Variants in DST observed in about 807,000 individuals in gnomAD.
DST encodes dystonin.
DST carries 253 observed loss-of-function variants against 875.2 expected under a neutral mutation model. The observed-to-expected ratio is 0.29, with a 90% CI of 0.26 to 0.32. DST has a LOEUF of 0.32. Among genes scored for constraint, DST ranks in the 10% least tolerant of loss-of-function variants. DST has a pLI of 1.00. For missense variants in DST, 8,287 were observed against 9,111.6 expected, an observed-to-expected ratio of 0.91 and a Z score of 3.68; for synonymous variants, 3,124 against 3,197.1, an observed-to-expected ratio of 0.98 and a Z score of 0.77.
At chr6:56,638,454 T>A (rs1257098633) in intron 22 of DST, among the ~76,000 whole-genome samples, 1 of 152,196 alleles carries the variant, frequency 6.6e-6, no homozygotes, top group Non-Finnish European at 1.5e-5. Flanking sequence ...TCAGTGAATC[T>A]ATCAGATTCC....
At chr6:56,557,564 A>T (rs2097447037) in intron 58 of DST, 46 bp from the exon 59 acceptor site, 2 of 1,435,256 alleles carry the variant, frequency 1.4e-6, no homozygotes, top group Non-Finnish European at 9.6e-7. Context: ...TTTTGCATTT[A>T]ACATGACTAT....
chr6:56,572,082 T>A lies in DST; in HGVS notation c.13721+18A>T. On this transcript the variant is annotated intron_variant, in intron 53 of 103. Transcript: ENST00000680361. ...TAATATAAATAGAATAAAATATAAT[T>A]TTTAAAGTGGTACTTACTTTTCTTT... The A allele has an allele frequency of 7.4e-7, 1 of 1,356,312 alleles. No homozygotes were observed. The highest frequency in any genetic ancestry group is 1.5e-5 in the African/African-American group (1 of 66,968). The allele number at this position is 1,356,312 out of a possible 1,614,324, so 84.0% of individuals were successfully genotyped here.
intron 9 of DST, among the ~76,000 whole-genome samples, chr6:56,673,715 A>T (rs1290379927): frequency 2.0e-5 from 3 of 152,250 alleles, no homozygotes; most frequent in Non-Finnish European, 4.4e-5. Context: ...AAAAGCGATA[A>T]TTTTAAAATG....
In DST at chr6:56,842,478, A is replaced by G. The variant is rs548607994; in HGVS notation, c.625+8919T>C. On this transcript the variant is annotated intron_variant, in intron 4 of 103. Coordinates refer to ENST00000680361, the MANE Select transcript of DST (RefSeq NM_001374736.1). ...AATTTCCTGAACATAAAGGATGGGC[A>G]GAAAAAAATCTCAAAATACATTCTT... Among the ~76,000 whole-genome samples the G allele has an allele frequency of 2.0e-5, 3 of 152,362 alleles. No homozygotes were observed. The East Asian group carries it at 5.8e-4, about 29-fold the overall frequency.
chr6:56,883,083 G>A (rs1463453083), intron 3 of DST, among the ~76,000 whole-genome samples: 3 of 152,150 alleles, frequency 2.0e-5, no homozygotes, highest in Non-Finnish European at 2.9e-5. Flanking sequence ...GGCCAGGCTG[G>A]TCTCAAACTC....
At chr6:56,874,722 G>A (rs1778894611) in intron 3 of DST, among the ~76,000 whole-genome samples, 1 of 152,146 alleles carries the variant, frequency 6.6e-6, no homozygotes, top group South Asian at 2.1e-4. Flanking sequence ...CGCTCCACAT[G>A]CATCTCAAAT....
chr6:56,681,714 C>G (rs2099158362), intron 9 of DST, among the ~76,000 whole-genome samples: 1 of 152,208 alleles, frequency 6.6e-6, no homozygotes, highest in Non-Finnish European at 1.5e-5. Context: ...TAGGGCAGTG[C>G]TTGGCACATT....
intron 9 of DST, chr6:56,692,632 T>C: frequency 7.8e-7 from 1 of 1,289,816 alleles, no homozygotes; most frequent in Admixed American, 2.3e-5. Flanking sequence ...AACATCAGTT[T>C]TTTCCTGGAA....
chr6:56,759,149 C>T (rs2099611339), intron 4 of DST, among the ~76,000 whole-genome samples: 1 of 152,110 alleles, frequency 6.6e-6, no homozygotes, highest in African/African-American at 2.4e-5. Flanking sequence ...TTATGTACCC[C>T]AATATTTAAA....
chr6:56,832,994 C>T (rs1296192472), intron 4 of DST, among the ~76,000 whole-genome samples: 2 of 152,176 alleles, frequency 1.3e-5, no homozygotes, highest in Non-Finnish European at 2.9e-5. Context: ...CTGCCTTGGC[C>T]TTCCAAAGTG....
chr6:56,953,885 T>C (rs1024350068), intron 1 of DST, 66 bp from the exon 2 acceptor site: 2 of 1,195,168 alleles, frequency 1.7e-6, no homozygotes, highest in Admixed American at 2.4e-5. Flanking sequence ...GAGTGACTCA[T>C]GACTTACCTG....
intron 86 of DST, among the ~76,000 whole-genome samples, chr6:56,487,589 G>A (rs897322699): frequency 4.6e-5 from 7 of 152,060 alleles, no homozygotes; most frequent in Non-Finnish European, 7.4e-5. Context: ...TTTATTTACC[G>A]TATTTTCAAC....
At chr6:56,778,255 G>A (rs1047886791) in intron 4 of DST, among the ~76,000 whole-genome samples, 1 of 151,508 alleles carries the variant, frequency 6.6e-6, no homozygotes, top group Admixed American at 6.6e-5. Context: ...AATCAAAATT[G>A]TCCAGGTTAT....
intron 2 of DST, among the ~76,000 whole-genome samples, chr6:56,920,221 C>T (rs1184706665): frequency 6.6e-6 from 1 of 152,198 alleles, no homozygotes; most frequent in Non-Finnish European, 1.5e-5. Flanking sequence ...TATCACTGCT[C>T]AGCCTTCCCC....
At position 56,604,392 on chromosome 6, in the gene DST, A is replaced by C. The variant is rs1036494557; in HGVS notation, c.10236T>G (p.Ser3412Arg). ...ASTVPSDSQM[S>R]DSSGVSPMTN... ...TCATGGGGGAAACTCCAGAAGAGTCACTCATTTGAGAGTCGCTGGGCACAG... is the reference window on the plus strand; with the variant it reads ...TCATGGGGGAAACTCCAGAAGAGTCCCTCATTTGAGAGTCGCTGGGCACAG... Residue 3412 changes from serine (S) to arginine (R), a missense_variant, in exon 40 of 104, where the codon AGT becomes AGG. By Grantham distance (110) the Ser-to-Arg change is moderately radical. Around this residue, in one of 10 missense-constraint regions of DST, gnomAD observed 3,138 missense variants for 3,116.6 expected, o/e 1.01. Coordinates refer to ENST00000680361, the MANE Select transcript of DST (RefSeq NM_001374736.1). 1 of 1,611,436 alleles carries C rather than the reference A, an allele frequency of 6.2e-7. No individual in the cohort carries two copies. Among genetic ancestry groups the C allele is most frequent in the African/African-American group, 1.3e-5 (1 of 74,818 alleles).
intron 2 of DST, among the ~76,000 whole-genome samples, chr6:56,938,781 A>T (rs1814644428): frequency 1.3e-5 from 2 of 152,086 alleles, no homozygotes; most frequent in Admixed American, 1.3e-4. Flanking sequence ...CCCAAACCTA[A>T]CCACATGTGA....
chr6:56,632,848 C>T lies in DST; in HGVS notation c.3805+6G>A, dbSNP rs1474920653. On this transcript the variant is annotated splice_donor_region_variant and intron_variant, in intron 28 of 103. Transcript: ENST00000680361. ...GGAAAAAAAGACAGGGATCCCCATG[C>T]TTTACCTCTTTCTGCAGATTTAAGA... 2 of 1,612,762 alleles carry T rather than the reference C, an allele frequency of 1.2e-6. No homozygotes were observed. The highest frequency in any genetic ancestry group is 1.3e-5 in the African/African-American group (1 of 74,900).
At chr6:56,732,757 A>C (rs2152927009) in intron 5 of DST, among the ~76,000 whole-genome samples, 1 of 152,348 alleles carries the variant, frequency 6.6e-6, no homozygotes, top group African/African-American at 2.4e-5. Context: ...AATAGTTGAA[A>C]CAATAAGTTA....
chr6:56,802,193 G>C lies in DST; in HGVS notation c.625+49204C>G, dbSNP rs187551699. The stretch of plus-strand genomic sequence containing the variant: ...ATCTGAGCATTATTAGCAGAATGAT[G>C]ACATGGAATTAACAATATGAGTACC... On this transcript the variant is annotated intron_variant, in intron 4 of 103. Transcript: ENST00000680361. Among the ~76,000 whole-genome samples, 904 of 152,016 alleles carry C rather than the reference G, an allele frequency of 5.9e-3. 3 individuals are homozygous for C. Among genetic ancestry groups the C allele is most frequent in the Non-Finnish European group, 0.011 (751 of 67,972 alleles).
Sources: gnomAD v4.1 joint callset for allele counts (sites outside exome capture counted in the v4.1 genomes callset) on GRCh38, gnomAD v4.1.1 for gene constraint, gnomAD v4.1.1 regional missense constraint, MANE v1.5 for transcripts, NCBI Gene and HGNC (gene_info 2026-07-23, HGNC 2026-07-21) for gene names.